WDTC1: variants seen among roughly 807,000 people sequenced by gnomAD.
WDTC1 encodes the protein WD and tetratricopeptide repeats 1.
Under a neutral mutation model 76.0 loss-of-function variants are expected in WDTC1, and 12 were observed. The ratio of observed to expected loss-of-function variants is 0.16; its 90% CI spans 0.10 to 0.26. The LOEUF (loss-of-function observed/expected upper bound fraction) is 0.26. WDTC1 is among the 10% of genes least tolerant of loss of function. The pLI is 1.00. For missense variants in WDTC1, 511 were observed against 908.8 expected, an observed-to-expected ratio of 0.56 and a Z score of 5.63; for synonymous variants, 326 against 350.8, an observed-to-expected ratio of 0.93 and a Z score of 0.79.
intron 6 of WDTC1, among the ~76,000 whole-genome samples, chr1:27,290,613 C>G (rs543110665): frequency 9.2e-5 from 14 of 152,252 alleles, no homozygotes; most frequent in African/African-American, 3.4e-4. Flanking sequence ...ATGGACTGTC[C>G]CCTTTTCCAG....
At chr1:27,258,021 C>T (rs1317220242) in intron 1 of WDTC1, among the ~76,000 whole-genome samples, 1 of 151,794 alleles carries the variant, frequency 6.6e-6, no homozygotes, top group Admixed American at 6.6e-5. Flanking sequence ...AAACTCCTGA[C>T]CTCGTGATCC....
rs2011457592 is a variant in WDTC1, at chr1:27,234,845, C to G, written c.-206C>G. The G allele has an allele frequency of 2.5e-6, 1 of 396,718 alleles. No individual in the cohort carries two copies. Among genetic ancestry groups the G allele is most frequent in the Admixed American group, 4.4e-5 (1 of 22,666 alleles). 24.6% of individuals were successfully genotyped at this position (396,718 alleles called of 1,614,324 possible). A position where few individuals can be genotyped will look rare whatever the true frequency, so the allele number is the denominator to read the frequency against. ...TAGAACTGCTCGAGCCCCCCAGCCC[C>G]CTCCCCGGGATCCGCGCCCCCCTTC... On this transcript the variant is annotated 5_prime_UTR_variant, in exon 1 of 16. Transcript: ENST00000319394.
At chr1:27,243,302 T>G (rs1220378310) in intron 1 of WDTC1, among the ~76,000 whole-genome samples, 1 of 143,686 alleles carries the variant, frequency 7.0e-6, no homozygotes, top group Non-Finnish European at 1.5e-5. Flanking sequence ...AACCTCTGCC[T>G]CCTGAGTTCA....
Position 27,299,614 on chromosome 1 carries a change from G to C in WDTC1, c.1232+1503G>C, listed in dbSNP as rs553125400. On this transcript the variant is annotated intron_variant, in intron 12 of 15. Coordinates refer to ENST00000319394, the MANE Select transcript of WDTC1 (RefSeq NM_001276252.2). Reference sequence around the variant, plus strand: ...CCATTTGGCTGGAGCAGAGGGTTCGGAAAGGGACTGGCAGGAGATGAGTCT... The same window carrying C: ...CCATTTGGCTGGAGCAGAGGGTTCGCAAAGGGACTGGCAGGAGATGAGTCT... 3.3e-5 allele frequency among the ~76,000 whole-genome samples: 5 copies of C among 152,294 alleles called. No homozygotes were observed. The East Asian group carries it at 9.6e-4, about 29-fold the overall frequency.
At chr1:27,295,076 T>G (rs1211069879) in intron 9 of WDTC1, among the ~76,000 whole-genome samples, 2 of 152,202 alleles carry the variant, frequency 1.3e-5, no homozygotes, top group South Asian at 4.1e-4. Flanking sequence ...TGGGAAGTGT[T>G]CTTTGATAAT....
intron 3 of WDTC1, 106 bp downstream of exon 3, chr1:27,263,341 G>A (rs923393439): frequency 1.9e-6 from 2 of 1,035,112 alleles, no homozygotes; most frequent in Non-Finnish European, 2.8e-6. Context: ...TTTCTCTGCA[G>A]GCCATATCTG....
chr1:27,298,540 G>T (rs2013749924), intron 12 of WDTC1, among the ~76,000 whole-genome samples: 1 of 152,172 alleles, frequency 6.6e-6, no homozygotes, highest in South Asian at 2.1e-4. Context: ...GCAGTCCCTT[G>T]CCCCTCTAAG....
At chr1:27,293,256 C>A (rs1328362900) in intron 7 of WDTC1, among the ~76,000 whole-genome samples, 2 of 149,836 alleles carry the variant, frequency 1.3e-5, no homozygotes, top group East Asian at 4.0e-4. Flanking sequence ...CACGGTGAAA[C>A]CCCGTCTCTA....
chr1:27,260,932 A>T (rs907881557), intron 1 of WDTC1, 24 bp from the exon 2 acceptor site: 2 of 1,115,996 alleles, frequency 1.8e-6, no homozygotes, highest in Non-Finnish European at 2.6e-6. Context: ...CATCCTCCAA[A>T]GTTTGATGAT....
At chr1:27,282,193 G>C (rs753479446) in intron 3 of WDTC1, 46 bp from the exon 4 acceptor site, 3 of 1,595,406 alleles carry the variant, frequency 1.9e-6, no homozygotes, top group Non-Finnish European at 2.6e-6. Context: ...TTCCCCAGGA[G>C]AACCCCTAAC....
intron 6 of WDTC1, among the ~76,000 whole-genome samples, chr1:27,291,554 CAA>C (rs928818692): frequency 2.0e-5 from 3 of 152,168 alleles, no homozygotes; most frequent in Admixed American, 6.5e-5. Context: ...ATTGGCAGCA[CAA>C]AGTTTCCCCG....
At chr1:27,266,199 A>G (rs1035927629) in intron 3 of WDTC1, among the ~76,000 whole-genome samples, 10 of 152,104 alleles carry the variant, frequency 6.6e-5, no homozygotes, top group Non-Finnish European at 8.8e-5. Context: ...TTTAGAGAGT[A>G]CCTACTTTTC....
At chr1:27,235,244 T>G (rs1159202284) in intron 1 of WDTC1, among the ~76,000 whole-genome samples, 1 of 152,160 alleles carries the variant, frequency 6.6e-6, no homozygotes, top group African/African-American at 2.4e-5. Context: ...CATTCCATCA[T>G]GGGACTTTTT....
chr1:27,270,114 G>C (rs907828755), intron 3 of WDTC1, among the ~76,000 whole-genome samples: 1 of 151,960 alleles, frequency 6.6e-6, no homozygotes, highest in African/African-American at 2.4e-5. Flanking sequence ...GTTAGAAACA[G>C]GGTTTTACCG....
At chr1:27,263,465 G>A (rs924641736) in intron 3 of WDTC1, among the ~76,000 whole-genome samples, 10 of 151,856 alleles carry the variant, frequency 6.6e-5, no homozygotes, top group Non-Finnish European at 5.9e-5. Flanking sequence ...ATGAAGTCTC[G>A]CTCTGTCACC....
intron 5 of WDTC1, 61 bp from the exon 6 acceptor site, chr1:27,287,613 C>A: frequency 6.6e-7 from 1 of 1,521,472 alleles, no homozygotes; most frequent in Non-Finnish European, 8.9e-7. Context: ...TCCAGGCTAG[C>A]CTCCTTCCGT....
At chr1:27,289,809 C>G (rs2013479380) in intron 6 of WDTC1, among the ~76,000 whole-genome samples, 1 of 152,096 alleles carries the variant, frequency 6.6e-6, no homozygotes, top group Non-Finnish European at 1.5e-5. Context: ...ACAGCGAAAC[C>G]CCGTCTCCAC....
At chr1:27,297,823 G>A in intron 11 of WDTC1, 115 bp from the exon 12 acceptor site, 1 of 1,144,834 alleles carries the variant, frequency 8.7e-7, no homozygotes, top group Non-Finnish European at 1.2e-6. Context: ...CCAGATAGCA[G>A]TCAGATCCCA....
intron 1 of WDTC1, among the ~76,000 whole-genome samples, chr1:27,248,014 A>G (rs1455676124): frequency 6.6e-6 from 1 of 152,172 alleles, no homozygotes; most frequent in Non-Finnish European, 1.5e-5. Flanking sequence ...CACTGTGCCC[A>G]GCCTGTACCA....
Sources: gnomAD v4.1 joint callset for allele counts (sites outside exome capture counted in the v4.1 genomes callset) on GRCh38, gnomAD v4.1.1 for gene constraint, MANE v1.5 for transcripts, NCBI Gene and HGNC (gene_info 2026-07-23, HGNC 2026-07-21) for gene names.